The following CDK13 variants were observed in gnomAD, a reference collection of about 807,000 sequenced individuals.
CDK13 encodes cyclin dependent kinase 13.
A neutral mutation model predicts 137.6 loss-of-function variants in CDK13; 40 were observed. The observed-to-expected ratio is 0.29, with a 90% CI of 0.23 to 0.38. The LOEUF (loss-of-function observed/expected upper bound fraction) is 0.38, where lower values mean the gene tolerates loss of function less well. CDK13 is among the 10% of genes least tolerant of loss of function. The pLI is 1.00. For missense variants in CDK13, 1,704 were observed against 1,951.8 expected (o/e 0.87, Z 2.39); for synonymous variants, 869 against 760.1 (o/e 1.14, Z -2.36).
At chr7:39,973,313 A>C (rs1418501493) in intron 1 of CDK13, among the ~76,000 whole-genome samples, 2 of 151,786 alleles carry the variant, frequency 1.3e-5, no homozygotes, top group African/African-American at 4.8e-5. Context: ...ATTTTTTCGT[A>C]TTTTTGTATA....
intron 1 of CDK13, among the ~76,000 whole-genome samples, chr7:39,967,438 A>C (rs1266642808): frequency 6.6e-6 from 1 of 152,078 alleles, no homozygotes; most frequent in African/African-American, 2.4e-5. Flanking sequence ...TCTCAAAAAC[A>C]AAATAAAACA....
chr7:39,990,021 C>T (rs754388986), intron 2 of CDK13, among the ~76,000 whole-genome samples: 2 of 152,184 alleles, frequency 1.3e-5, no homozygotes, highest in African/African-American at 2.4e-5. Context: ...CCTGACCTCA[C>T]GATCCACTTG....
chr7:39,973,239 C>T lies in CDK13; in HGVS notation c.1212-14360C>T, dbSNP rs562927843. Among the ~76,000 whole-genome samples the T allele has an allele frequency of 1.2e-3, 183 of 152,242 alleles. 1 individual carries two copies. Among genetic ancestry groups the T allele is most frequent in the African/African-American group, 4.3e-3 (178 of 41,546 alleles). On this transcript the variant is annotated intron_variant, in intron 1 of 13. Transcript: ENST00000181839. Reference sequence around the variant, plus strand: ...GCAGCCTCCATCTCTAGGACTCAAACAATTTCCCTATCTTAGCCTCCTGAG... The same window carrying T: ...GCAGCCTCCATCTCTAGGACTCAAATAATTTCCCTATCTTAGCCTCCTGAG...
intron 1 of CDK13, among the ~76,000 whole-genome samples, chr7:39,976,105 C>G (rs893552755): frequency 2.0e-5 from 3 of 151,978 alleles, no homozygotes; most frequent in Admixed American, 1.3e-4. Context: ...TGAGACCAGC[C>G]TAACATGGTG....
intron 1 of CDK13, among the ~76,000 whole-genome samples, chr7:39,959,210 A>C (rs1380909869): frequency 6.7e-6 from 1 of 150,278 alleles, no homozygotes; most frequent in Non-Finnish European, 1.5e-5. Flanking sequence ...CTTGTTGCCC[A>C]GGCTGGAATG....
chr7:40,076,823 T>C (rs1786555038), intron 9 of CDK13, among the ~76,000 whole-genome samples: 1 of 152,182 alleles, frequency 6.6e-6, no homozygotes, highest in Non-Finnish European at 1.5e-5. Context: ...GCATTTGTAT[T>C]TACGTATGTT....
At chr7:40,091,222 C>T (rs1786915223) in intron 12 of CDK13, among the ~76,000 whole-genome samples, 1 of 152,158 alleles carries the variant, frequency 6.6e-6, no homozygotes, top group Non-Finnish European at 1.5e-5. Context: ...GTGGCAGGCG[C>T]CTGTAGTCCC....
In CDK13 at chr7:40,098,966, AT is replaced by A. The variant is rs997807421; in HGVS notation, c.*3989del. ...AAGGCAAGTCCTGTATGTATTTTTC[AT>A]TTGTTGAAAGAAGATTGGTTATCAG... On this transcript the variant is annotated 3_prime_UTR_variant, in exon 14 of 14. Transcript: ENST00000181839. The A allele has an allele frequency of 1.3e-5, 2 of 152,098 alleles. No homozygotes were observed. The highest frequency in any genetic ancestry group is 2.9e-5 in the Non-Finnish European group (2 of 67,942). 9.4% of individuals were successfully genotyped at this position (152,098 alleles called of 1,614,324 possible).
rs764295720 is a variant in CDK13 at position 40,047,880 on chromosome 7, A to G, written c.2600+3A>G. The stretch of plus-strand genomic sequence containing the variant: ...CGATTGTATAGCTCAGAAGAAAGGT[A>G]AGCATACCTTCAAATGAATATTGTA... On this transcript the variant is annotated splice_donor_region_variant and intron_variant, in intron 7 of 13. Transcript: ENST00000181839. 6.3e-7 allele frequency: 1 copy of G among 1,593,130 alleles called. No individual in the cohort carries two copies. Among genetic ancestry groups the G allele is most frequent in the Non-Finnish European group, 8.6e-7 (1 of 1,161,482 alleles).
chr7:39,965,172 A>G (rs529667009), intron 1 of CDK13, among the ~76,000 whole-genome samples: 1 of 152,008 alleles, frequency 6.6e-6, no homozygotes, highest in African/African-American at 2.4e-5. Context: ...CAATTCCTGG[A>G]TATCCTTGTT....
chr7:39,961,230 G>A (rs1787610719), intron 1 of CDK13, among the ~76,000 whole-genome samples: 1 of 152,088 alleles, frequency 6.6e-6, no homozygotes, highest in Non-Finnish European at 1.5e-5. Flanking sequence ...ATGGTGGCGT[G>A]TGCCTGTAGA....
At chr7:39,976,288 G>GTC (rs1174858221) in intron 1 of CDK13, among the ~76,000 whole-genome samples, 741 of 29,878 alleles carry the variant, frequency 0.025, 32 homozygotes, top group African/African-American at 0.051. Flanking sequence ...GCGAGATTCC[G>GTC]TCTCTCTCTC....
chr7:40,024,954 G>A (rs1022591467), intron 5 of CDK13, among the ~76,000 whole-genome samples: 2 of 151,980 alleles, frequency 1.3e-5, no homozygotes, highest in Non-Finnish European at 2.9e-5. Context: ...GTGAGCCACC[G>A]CACCCAGCTG....
intron 2 of CDK13, among the ~76,000 whole-genome samples, chr7:39,992,984 T>A (rs1257833763): frequency 6.6e-6 from 1 of 152,170 alleles, no homozygotes; most frequent in Non-Finnish European, 1.5e-5. Flanking sequence ...ATGAGCAACG[T>A]TAAGGTCTCT....
intron 7 of CDK13, among the ~76,000 whole-genome samples, chr7:40,051,002 A>G (rs988848393): frequency 1.8e-4 from 28 of 152,316 alleles, no homozygotes; most frequent in African/African-American, 5.5e-4. Context: ...TTTTCATTTT[A>G]AAATATAATT....
intron 7 of CDK13, among the ~76,000 whole-genome samples, chr7:40,054,749 C>A (rs1043982951): frequency 1.3e-4 from 20 of 151,780 alleles, no homozygotes; most frequent in Admixed American, 9.9e-4. Flanking sequence ...AATTTTAATA[C>A]TTGGTTAATC....
chr7:40,003,123 C>A (rs185841246), intron 5 of CDK13, among the ~76,000 whole-genome samples: 1 of 144,126 alleles, frequency 6.9e-6, no homozygotes, highest in Admixed American at 7.1e-5. Flanking sequence ...TCTGATTGAA[C>A]ATGGTACTTA....
intron 1 of CDK13, among the ~76,000 whole-genome samples, chr7:39,963,433 A>G (rs1210452437): frequency 3.3e-5 from 5 of 151,752 alleles, no homozygotes; most frequent in Non-Finnish European, 5.9e-5. Flanking sequence ...TTTGTCTGTT[A>G]TTGGTGTATA....
In CDK13 at chr7:39,951,351, A is replaced by G; in HGVS notation, c.710A>G (p.His237Arg). 2 of 1,488,786 alleles carry G rather than the reference A, an allele frequency of 1.3e-6. No individual in the cohort carries two copies. Among genetic ancestry groups the G allele is most frequent in the Non-Finnish European group, 1.8e-6 (2 of 1,126,442 alleles). The allele number at this position is 1,488,786 out of a possible 1,614,324, so 92.2% of individuals were successfully genotyped here. Residue 237 changes from histidine (H) to arginine (R), a missense_variant, in exon 1 of 14, where the codon CAC becomes CGC. Around this residue, in one of 5 missense-constraint regions of CDK13, gnomAD observed 1,051 missense variants for 931.0 expected, o/e 1.13. Coordinates refer to ENST00000181839, the MANE Select transcript of CDK13 (RefSeq NM_003718.5). ...TCCAAGTCCCGCAGCCGCCACAGCC[A>G]CAGCGGCGAGGAACGGGCCGAGGTC... Reference protein sequence around the residue: ...EASKSRSRHSHSGEERAEVAK... With the variant: ...EASKSRSRHSRSGEERAEVAK...
Sources: allele counts gnomAD v4.1 joint callset (sites outside exome capture counted in the v4.1 genomes callset), GRCh38; gene constraint gnomAD v4.1.1; regional missense constraint gnomAD v4.1.1; transcripts MANE v1.5; gene names NCBI Gene and HGNC (gene_info 2026-07-23, HGNC 2026-07-21).